The following UGT1A7 variants were observed in gnomAD, a reference collection of about 807,000 sequenced individuals.
UGT1A7 encodes the protein UDP glucuronosyltransferase family 1 member A7, also known as UDP-glucuronosyltransferase 1A7.
A neutral mutation model predicts 45.6 loss-of-function variants in UGT1A7; 33 were observed. The observed-to-expected ratio is 0.72, with a 90% CI of 0.55 to 0.97. The LOEUF (loss-of-function observed/expected upper bound fraction) is 0.97. Ranked by LOEUF, UGT1A7 falls within the 50% of genes least tolerant of loss-of-function variation. UGT1A7 has a pLI of 0.00. For missense variants in UGT1A7, 684 were observed against 666.2 expected (o/e 1.03, Z -0.29); for synonymous variants, 274 against 250.6 (o/e 1.09, Z -0.88).
chr2:233,749,529 C>T (rs575946575), intron 1 of UGT1A7, among the ~76,000 whole-genome samples: 6 of 151,916 alleles, frequency 3.9e-5, no homozygotes, highest in African/African-American at 9.7e-5. Context: ...GGCTAATTTT[C>T]GAGTGTGGTA....
At chr2:233,763,355 T>C (rs1340050072) in intron 1 of UGT1A7, among the ~76,000 whole-genome samples, 1 of 152,264 alleles carries the variant, frequency 6.6e-6, no homozygotes, top group Non-Finnish European at 1.5e-5. Context: ...ACATCTTTAG[T>C]ACTCCTTTGT....
In UGT1A7 at chr2:233,769,168, C is replaced by T. The variant is rs1699803234; in HGVS notation, c.1295+729C>T. Among the ~76,000 whole-genome samples the T allele has an allele frequency of 6.6e-6, 1 of 152,082 alleles. No individual in the cohort carries two copies. Among genetic ancestry groups the T allele is most frequent in the Non-Finnish European group, 1.5e-5 (1 of 68,026 alleles). The stretch of plus-strand genomic sequence containing the variant: ...ACTGGAACCTGTGAGAAATTTTGTC[C>T]ATGGAGTTTATGAATGAAGGAGCTA... On this transcript the variant is annotated intron_variant, in intron 4 of 4. Coordinates refer to ENST00000373426, the MANE Select transcript of UGT1A7 (RefSeq NM_019077.3). The surrounding 1 kb of genome is among the most constrained non-coding windows in gnomAD (Gnocchi z 4.4).
chr2:233,690,751 G>C (rs1022399722), intron 1 of UGT1A7: 2 of 1,174,418 alleles, frequency 1.7e-6, no homozygotes, highest in Admixed American at 3.8e-5. Flanking sequence ...CTAGTGTCCA[G>C]TGCAGACATA....
chr2:233,687,690 C>G (rs1385229138), intron 1 of UGT1A7, among the ~76,000 whole-genome samples: 1 of 151,794 alleles, frequency 6.6e-6, no homozygotes, highest in Non-Finnish European at 1.5e-5. Context: ...ATCACTTAAG[C>G]CCAGGAGTTT....
chr2:233,708,919 A>G (rs1575489691), intron 1 of UGT1A7, among the ~76,000 whole-genome samples: 1 of 152,120 alleles, frequency 6.6e-6, no homozygotes, highest in East Asian at 1.9e-4. Context: ...ATTGCTTGCT[A>G]CAGAGCCAAA....
chr2:233,746,482 T>A (rs1022385287), intron 1 of UGT1A7, among the ~76,000 whole-genome samples: 2 of 151,822 alleles, frequency 1.3e-5, no homozygotes, highest in Non-Finnish European at 2.9e-5. Context: ...ACACTTTCCA[T>A]GGACATGTCA....
intron 1 of UGT1A7, chr2:233,719,529 G>A (rs2076777765): frequency 6.2e-7 from 1 of 1,613,836 alleles, no homozygotes; most frequent in South Asian, 1.1e-5. Context: ...TCTTGCCTCT[G>A]AGCTTTTTCA....
chr2:233,768,017 T>G, intron 3 of UGT1A7, 81 bp downstream of exon 3: 1 of 1,613,870 alleles, frequency 6.2e-7, no homozygotes, highest in Admixed American at 1.7e-5. Flanking sequence ...TCTAAAGGAT[T>G]GTTGAGCTTG....
intron 1 of UGT1A7, among the ~76,000 whole-genome samples, chr2:233,687,583 T>TAAA (rs71398794): frequency 3.7e-5 from 4 of 107,450 alleles, no homozygotes; most frequent in African/African-American, 1.3e-4. Flanking sequence ...ACATTCTTTG[T>TAAA]AAAAAAAAAA....
rs2076494681 is a variant in UGT1A7, at chr2:233,716,255, T to A, written c.855+33463T>A. Among the ~76,000 whole-genome samples, 5 of 152,210 alleles carry A rather than the reference T, an allele frequency of 3.3e-5. No homozygotes were observed. The South Asian group carries it at 1.0e-3, about 32-fold the overall frequency. On this transcript the variant is annotated intron_variant, in intron 1 of 4. Transcript: ENST00000373426. ...CATTGTCCTGCCCGGACATCCAGCA[T>A]AATCTCCCCATGTCAAAACCCTTAA...
At chr2:233,698,000 T>C (rs1454032719) in intron 1 of UGT1A7, among the ~76,000 whole-genome samples, 1 of 152,170 alleles carries the variant, frequency 6.6e-6, no homozygotes, top group Non-Finnish European at 1.5e-5. Context: ...GGAAAAAATA[T>C]CATTTCTGCA....
intron 1 of UGT1A7, among the ~76,000 whole-genome samples, chr2:233,688,153 A>G (rs2074880098): frequency 2.0e-5 from 3 of 152,240 alleles, no homozygotes; most frequent in Non-Finnish European, 2.9e-5. Flanking sequence ...GGATTTGCCT[A>G]TTCTGGGCAT....
chr2:233,692,950 G>A lies in UGT1A7; in HGVS notation c.855+10158G>A, dbSNP rs1209522841. On this transcript the variant is annotated intron_variant, in intron 1 of 4. Coordinates refer to ENST00000373426, the MANE Select transcript of UGT1A7 (RefSeq NM_019077.3). ...TTTAGGGAAAATACCTAGGAGCCCT[G>A]TGATTTGGAGAGTGAAAACTCTTTA... is the stretch of plus-strand genomic sequence containing the variant. 7 of 1,602,458 alleles carry A rather than the reference G, an allele frequency of 4.4e-6. No homozygotes were observed. In the East Asian group the frequency reaches 1.1e-4, roughly 25 times the overall value.
intron 1 of UGT1A7, among the ~76,000 whole-genome samples, chr2:233,687,124 G>A (rs1156428889): frequency 1.3e-5 from 2 of 152,148 alleles, no homozygotes; most frequent in African/African-American, 4.8e-5. Context: ...AAAACTCAGC[G>A]TTATCTAGAT....
intron 1 of UGT1A7, among the ~76,000 whole-genome samples, chr2:233,709,281 C>T (rs2125615008): frequency 6.6e-6 from 1 of 152,106 alleles, no homozygotes; most frequent in East Asian, 1.9e-4. Flanking sequence ...GTGAATTACC[C>T]TTCAATTAAT....
intron 1 of UGT1A7, among the ~76,000 whole-genome samples, chr2:233,736,107 T>G (rs1391401808): frequency 6.6e-6 from 1 of 152,266 alleles, no homozygotes; most frequent in Non-Finnish European, 1.5e-5. Flanking sequence ...AAGAGTGTTT[T>G]CCAACTTGTT....
Position 233,768,419 on chromosome 2 carries a change from A to G in UGT1A7, c.1275A>G (p.Lys425=), listed in dbSNP as rs766292651. ...CTGAAGATTTAGAAAATGCTCTAAA[A>G]GCAGTCATCAATGACAAAAGGTAAG... The part of the protein sequence containing the change: ...MTSEDLENAL[K]AVINDKSYKE... Residue 425 remains lysine (K), a synonymous_variant, in exon 4 of 5, where the codon AAA becomes AAG. Transcript: ENST00000373426. 1 of 1,614,170 alleles carries G rather than the reference A, an allele frequency of 6.2e-7. No individual in the cohort carries two copies. Among genetic ancestry groups the G allele is most frequent in the Non-Finnish European group, 8.5e-7 (1 of 1,180,020 alleles).
chr2:233,687,775 A>G (rs28899168), intron 1 of UGT1A7, among the ~76,000 whole-genome samples: 4,205 of 152,038 alleles, frequency 0.028, 175 homozygotes, highest in African/African-American at 0.095. Context: ...GCCTGGTGGC[A>G]TATGCCTGTG....
At chr2:233,744,115 T>G (rs556316328) in intron 1 of UGT1A7, 2 of 367,954 alleles carry the variant, frequency 5.4e-6, no homozygotes, top group East Asian at 1.5e-4. Flanking sequence ...CCCTGCTCTC[T>G]GTGAGGCTCT....
Sources: gnomAD v4.1 joint callset for allele counts (sites outside exome capture counted in the v4.1 genomes callset) on GRCh38, gnomAD v4.1.1 for gene constraint, Gnocchi (gnomAD v3.1) non-coding constraint, MANE v1.5 for transcripts, NCBI Gene and HGNC (gene_info 2026-07-23, HGNC 2026-07-21) for gene names.